The following STRIP2 variants were observed in gnomAD, a reference collection of about 807,000 sequenced individuals.
STRIP2 encodes the protein striatin interacting protein 2.
STRIP2 carries 84 observed loss-of-function variants against 107.1 expected under a neutral mutation model. That is an observed-to-expected ratio of 0.78 (90% CI 0.66 to 0.94). The LOEUF is 0.94. Ranked by LOEUF, STRIP2 falls within the 40% of genes least tolerant of loss-of-function variation. STRIP2 has a pLI of 0.00. For synonymous variants in STRIP2, 394 were observed against 400.4 expected (o/e 0.98, Z 0.19); for missense variants, 888 against 1,034.2 (o/e 0.86, Z 1.94).
intron 12 of STRIP2, among the ~76,000 whole-genome samples, chr7:129,459,998 CA>C (rs1798485502): frequency 6.6e-6 from 1 of 152,116 alleles, no homozygotes; most frequent in Non-Finnish European, 1.5e-5. Flanking sequence ...GGCAGTGGTC[CA>C]GGGGCAGGGG....
intron 7 of STRIP2, among the ~76,000 whole-genome samples, chr7:129,454,922 A>G (rs1473480992): frequency 3.9e-5 from 6 of 152,342 alleles, no homozygotes; most frequent in African/African-American, 1.2e-4. Context: ...TTAAAAATAT[A>G]TTTATTGATG....
In STRIP2 at chr7:129,459,555, A is replaced by C; in HGVS notation, c.1379A>C (p.His460Pro). 6.2e-7 allele frequency: 1 copy of C among 1,614,104 alleles called. No individual in the cohort carries two copies. Among genetic ancestry groups the C allele is most frequent in the Non-Finnish European group, 8.5e-7 (1 of 1,180,000 alleles). The change falls in exon 12 of 21, where the codon CAT becomes CCT. Residue 460 changes from histidine to proline, a missense_variant. Physicochemically the swap from His to Pro is moderately conservative, Grantham distance 77. Transcript: ENST00000249344. Reference sequence around the variant, plus strand: ...TTGGTTGGATTACCCAGGCCCATCCATGAGAGTGTGAAGACCCTAAAGCAG... The same window carrying C: ...TTGGTTGGATTACCCAGGCCCATCCCTGAGAGTGTGAAGACCCTAAAGCAG... ...DTLVGLPRPI[H>P]ESVKTLKQHK...
intron 19 of STRIP2, among the ~76,000 whole-genome samples, chr7:129,481,680 G>A (rs868653793): frequency 6.6e-6 from 1 of 152,082 alleles, no homozygotes; most frequent in Non-Finnish European, 1.5e-5. Flanking sequence ...GGGAGGCTGA[G>A]GCAGAAGGAT....
chr7:129,454,257 C>G, intron 6 of STRIP2, 47 bp downstream of exon 6: 1 of 1,587,912 alleles, frequency 6.3e-7, no homozygotes, highest in South Asian at 1.1e-5. Flanking sequence ...ATGATTAGCA[C>G]CTGGGTTACC....
At position 129,483,330 on chromosome 7, in the gene STRIP2, C is replaced by T; in HGVS notation, c.2254+284C>T. 1 of 1,135,452 alleles carries T rather than the reference C, an allele frequency of 8.8e-7. No homozygotes were observed. 70.3% of individuals were successfully genotyped at this position (1,135,452 alleles called of 1,614,324 possible). ...CATTCTTTTAAATGACAGCTTTCTC[C>T]AAAAGATTTAAATTAAAACAACTTT... On this transcript the variant is annotated intron_variant, in intron 20 of 20. Coordinates refer to ENST00000249344, the MANE Select transcript of STRIP2 (RefSeq NM_020704.3). The surrounding 1 kb of genome is among the most constrained non-coding windows in gnomAD (Gnocchi z 5.1).
intron 2 of STRIP2, among the ~76,000 whole-genome samples, chr7:129,443,134 A>T (rs1197478690): frequency 6.6e-6 from 1 of 151,230 alleles, no homozygotes; most frequent in East Asian, 1.9e-4. Flanking sequence ...TCAAACTCCT[A>T]AGCTCAAACG....
At chr7:129,451,857 T>A in intron 4 of STRIP2, 110 bp downstream of exon 4, 1 of 1,327,892 alleles carries the variant, frequency 7.5e-7, no homozygotes, top group South Asian at 1.4e-5. Context: ...GTTTCTTGCC[T>A]CTCAAGGACA....
chr7:129,452,889 T>C (rs1210988635), intron 4 of STRIP2, among the ~76,000 whole-genome samples: 2 of 152,222 alleles, frequency 1.3e-5, no homozygotes, highest in Non-Finnish European at 2.9e-5. Flanking sequence ...AGTGAACTCT[T>C]TGGGCTTCCT....
chr7:129,444,178 A>G, intron 3 of STRIP2, 80 bp downstream of exon 3: 1 of 1,027,892 alleles, frequency 9.7e-7, no homozygotes, highest in South Asian at 1.4e-5. Context: ...AGACTAAAAC[A>G]AAGTGCGATC....
Position 129,458,767 on chromosome 7 carries a change from AC to A in STRIP2, c.1333del (p.Leu445TrpfsTer19). The A allele has an allele frequency of 6.2e-7, 1 of 1,614,100 alleles. No individual in the cohort carries two copies. Among genetic ancestry groups the A allele is most frequent in the Non-Finnish European group, 8.5e-7 (1 of 1,180,008 alleles). ...EMSRNKFIGF[T>X]LGQDTDTLVG... ...GAGCAGGAACAAGTTCATCGGATTC[AC>A]CCTGGGGCAGTAAGTGACTGAATGG... On this transcript the variant is annotated frameshift_variant, in exon 11 of 21. Transcript: ENST00000249344. LOFTEE classifies it high-confidence loss of function. The surrounding 1 kb of genome is among the most constrained non-coding windows in gnomAD (Gnocchi z 4.6).
At chr7:129,446,153 T>C (rs1202696230) in intron 3 of STRIP2, among the ~76,000 whole-genome samples, 2 of 152,162 alleles carry the variant, frequency 1.3e-5, no homozygotes, top group Non-Finnish European at 2.9e-5. Flanking sequence ...GTGGCCACTT[T>C]GCTCATGGGC....
chr7:129,473,446 G>A (rs692432), intron 18 of STRIP2, among the ~76,000 whole-genome samples: 45,304 of 151,594 alleles, frequency 0.3, 7,022 homozygotes, highest in African/African-American at 0.38. Context: ...ACGGCCCATC[G>A]CAGCCTCAAG....
intron 18 of STRIP2, among the ~76,000 whole-genome samples, chr7:129,476,355 G>A (rs554085734): frequency 4.8e-5 from 7 of 146,652 alleles, no homozygotes; most frequent in Admixed American, 4.7e-4. Context: ...CGGCTGCCGG[G>A]CGGAGGGGCT....
intron 18 of STRIP2, among the ~76,000 whole-genome samples, chr7:129,479,300 C>T (rs1799055802): frequency 6.6e-6 from 1 of 150,970 alleles, no homozygotes; most frequent in Non-Finnish European, 1.5e-5. Flanking sequence ...ATGTAAAAGT[C>T]TCCCTGTCTC....
Position 129,485,704 on chromosome 7 carries a change from T to C in STRIP2, c.2380T>C (p.Leu794=), listed in dbSNP as rs1799229251. The C allele has an allele frequency of 1.2e-6, 2 of 1,614,048 alleles. No individual in the cohort carries two copies. The highest frequency in any genetic ancestry group is 1.6e-4 in the Middle Eastern group (1 of 6,084). Residue 794 remains leucine (L), a synonymous_variant, in exon 21 of 21, where the codon TTG becomes CTG. Transcript: ENST00000249344. ...DSEFSPVDNC[L]QSVLGQRLDL... Reference sequence around the variant, plus strand: ...TGAGTTTTCACCTGTGGATAACTGCTTGCAGAGCGTACTGGGGCAGAGGTT... The same window carrying C: ...TGAGTTTTCACCTGTGGATAACTGCCTGCAGAGCGTACTGGGGCAGAGGTT...
At chr7:129,477,715 A>G (rs1391489214) in intron 18 of STRIP2, among the ~76,000 whole-genome samples, 3 of 152,236 alleles carry the variant, frequency 2.0e-5, no homozygotes, top group Non-Finnish European at 4.4e-5. Context: ...TTATTCTATA[A>G]TGGTGTTGGT....
intron 18 of STRIP2, among the ~76,000 whole-genome samples, chr7:129,479,630 C>T (rs1336876261): frequency 1.3e-5 from 2 of 151,836 alleles, no homozygotes; most frequent in East Asian, 3.9e-4. Context: ...GCTGGGATTA[C>T]AGGCTCCTGC....
intron 3 of STRIP2, among the ~76,000 whole-genome samples, chr7:129,447,334 A>G (rs1010264966): frequency 2.0e-5 from 3 of 152,220 alleles, no homozygotes; most frequent in South Asian, 4.1e-4. Flanking sequence ...CAAATGAAGC[A>G]ACTTATCCTT....
chr7:129,477,441 C>T (rs891788638), intron 18 of STRIP2, among the ~76,000 whole-genome samples: 1 of 152,034 alleles, frequency 6.6e-6, no homozygotes, highest in African/African-American at 2.4e-5. Context: ...ATCAATTTTC[C>T]TGTTGGTCAC....
Sources: gnomAD v4.1 joint callset for allele counts (sites outside exome capture counted in the v4.1 genomes callset) on GRCh38, gnomAD v4.1.1 for gene constraint, Gnocchi (gnomAD v3.1) non-coding constraint, MANE v1.5 for transcripts, NCBI Gene and HGNC (gene_info 2026-07-23, HGNC 2026-07-21) for gene names.